CDH11: variants seen among roughly 807,000 people sequenced by gnomAD.
CDH11 encodes the protein cadherin 11, also known as cadherin-11.
A neutral mutation model predicts 67.8 loss-of-function variants in CDH11; 11 were observed. The observed-to-expected ratio is 0.16, with a 90% confidence interval of 0.10 to 0.27. The LOEUF (loss-of-function observed/expected upper bound fraction) is 0.27, where lower values mean the gene tolerates loss of function less well. CDH11 is among the 10% of genes least tolerant of loss of function. The pLI is 1.00. For synonymous variants in CDH11, 419 were observed against 400.0 expected, an observed-to-expected ratio of 1.05 and a Z score of -0.57; for missense variants, 847 against 1,031.2, an observed-to-expected ratio of 0.82 and a Z score of 2.45.
At chr16:65,036,247 G>A (rs912136893) in intron 2 of CDH11, among the ~76,000 whole-genome samples, 3 of 152,072 alleles carry the variant, frequency 2.0e-5, no homozygotes, top group East Asian at 3.9e-4. Context: ...ACTTTAAGGT[G>A]GACTGCATGA....
At chr16:65,116,761 G>C (rs1436717378) in intron 1 of CDH11, among the ~76,000 whole-genome samples, 1 of 151,776 alleles carries the variant, frequency 6.6e-6, no homozygotes, top group Non-Finnish European at 1.5e-5. Context: ...AGGATAGAGA[G>C]AGAGAGAGAG....
At chr16:65,101,506 T>A (rs1308487030) in intron 1 of CDH11, among the ~76,000 whole-genome samples, 1 of 152,204 alleles carries the variant, frequency 6.6e-6, no homozygotes, top group Non-Finnish European at 1.5e-5. Context: ...TCTCCATTTA[T>A]TCATTCTTTC....
chr16:65,039,457 G>C (rs981445884), intron 2 of CDH11, among the ~76,000 whole-genome samples: 7 of 152,112 alleles, frequency 4.6e-5, no homozygotes, highest in Non-Finnish European at 8.8e-5. Context: ...ACAAGAAATG[G>C]GGGAAGGATT....
intron 2 of CDH11, among the ~76,000 whole-genome samples, chr16:65,033,677 C>T (rs1398384298): frequency 1.3e-5 from 2 of 151,788 alleles, no homozygotes; most frequent in East Asian, 1.9e-4. Flanking sequence ...GTGGAGGTTG[C>T]AGTGAGCCCA....
intron 3 of CDH11, among the ~76,000 whole-genome samples, chr16:64,999,985 T>C (rs1182467100): frequency 6.6e-6 from 1 of 152,192 alleles, no homozygotes; most frequent in Non-Finnish European, 1.5e-5. Flanking sequence ...GATCTGGGGA[T>C]GTGGCCTGCC....
intron 1 of CDH11, among the ~76,000 whole-genome samples, chr16:65,098,536 G>GTGTT (rs1322568250): frequency 6.6e-6 from 1 of 151,944 alleles, no homozygotes; most frequent in East Asian, 1.9e-4. Flanking sequence ...GTGTGTGTGT[G>GTGTT]TGCGTGTGTT....
At chr16:65,003,801 A>G (rs940025620) in intron 3 of CDH11, among the ~76,000 whole-genome samples, 8 of 152,216 alleles carry the variant, frequency 5.3e-5, no homozygotes, top group African/African-American at 1.9e-4. Flanking sequence ...CTTCTGGTAC[A>G]TATTCATTCA....
At chr16:65,093,775 G>A (rs1413992861) in intron 1 of CDH11, among the ~76,000 whole-genome samples, 1 of 152,010 alleles carries the variant, frequency 6.6e-6, no homozygotes, top group Non-Finnish European at 1.5e-5. Flanking sequence ...TGATTAAATT[G>A]GTAATTTCAG....
At chr16:64,955,065 T>C (rs1222004488) in intron 11 of CDH11, among the ~76,000 whole-genome samples, 2 of 151,180 alleles carry the variant, frequency 1.3e-5, no homozygotes, top group Non-Finnish European at 2.9e-5. Flanking sequence ...GCTAATGCGG[T>C]GAAACACCGT....
intron 2 of CDH11, among the ~76,000 whole-genome samples, chr16:65,052,940 AT>A (rs1015662383): frequency 1.3e-5 from 2 of 152,186 alleles, no homozygotes; most frequent in African/African-American, 2.4e-5. Flanking sequence ...GGCTTAAAGT[AT>A]TCCGTCCATG....
chr16:65,055,109 G>C (rs1372840120), intron 1 of CDH11, among the ~76,000 whole-genome samples: 1 of 152,220 alleles, frequency 6.6e-6, no homozygotes, highest in East Asian at 1.9e-4. Context: ...GATACAGGGA[G>C]TCATGGAGGA....
intron 1 of CDH11, among the ~76,000 whole-genome samples, chr16:65,071,459 G>C (rs1195506877): frequency 6.6e-6 from 1 of 152,112 alleles, no homozygotes; most frequent in Non-Finnish European, 1.5e-5. Context: ...GTGAACAAAC[G>C]GTTATGATCC....
intron 1 of CDH11, among the ~76,000 whole-genome samples, chr16:65,116,398 C>A (rs12051500): frequency 5.9e-5 from 9 of 152,058 alleles, no homozygotes; most frequent in African/African-American, 1.9e-4. Context: ...GGTTGCCATG[C>A]GAGGTGATCA....
intron 1 of CDH11, among the ~76,000 whole-genome samples, chr16:65,115,707 C>CAAAAAAAAAAAAAA (rs750108148): frequency 1.7e-5 from 1 of 60,176 alleles, no homozygotes; most frequent in Non-Finnish European, 3.3e-5. Context: ...AAGGCTACAC[C>CAAAAAAAAAAAAAA]AAAAAAAAAA....
intron 2 of CDH11, among the ~76,000 whole-genome samples, chr16:65,049,923 A>G (rs60596179): frequency 0.068 from 10,422 of 152,158 alleles, 1,225 homozygotes; most frequent in African/African-American, 0.24. Context: ...GCAGGTTGCT[A>G]ACACTTCAAG....
chr16:65,073,234 A>G (rs2074450192), intron 1 of CDH11, among the ~76,000 whole-genome samples: 1 of 152,210 alleles, frequency 6.6e-6, no homozygotes. Context: ...CCAAAAATCC[A>G]GAAGGGAGAA....
intron 2 of CDH11, among the ~76,000 whole-genome samples, chr16:65,043,844 A>T (rs892866748): frequency 6.6e-6 from 1 of 151,886 alleles, no homozygotes; most frequent in Non-Finnish European, 1.5e-5. Context: ...GGGGGAGGGG[A>T]GGAGTAGAAT....
At chr16:64,957,632 ACC>A (rs1491204976) in intron 11 of CDH11, among the ~76,000 whole-genome samples, 1 of 134,640 alleles carries the variant, frequency 7.4e-6, no homozygotes, top group African/African-American at 2.7e-5. Flanking sequence ...ACACACACAC[ACC>A]CATCCATATA....
At chr16:65,122,268 C>T, upstream of CDH11, 2 of 402,640 alleles carry the variant, frequency 5.0e-6, no homozygotes, top group Non-Finnish European at 9.0e-6. Flanking sequence ...CCGCGCCCCT[C>T]CCCCCAGGGG....
Sources: allele counts gnomAD v4.1 joint callset (sites outside exome capture counted in the v4.1 genomes callset), GRCh38; gene constraint gnomAD v4.1.1; transcripts MANE v1.5; gene names NCBI Gene and HGNC (gene_info 2026-07-23, HGNC 2026-07-21).